Variants in WDFY3 observed in about 807,000 individuals in gnomAD.
WDFY3 encodes WD repeat and FYVE domain-containing protein 3.
A neutral mutation model predicts 409.6 loss-of-function variants in WDFY3; 66 were observed. The observed-to-expected ratio is 0.16, with a 90% CI of 0.13 to 0.20. The LOEUF (loss-of-function observed/expected upper bound fraction) is 0.20, where lower values mean the gene tolerates loss of function less well. WDFY3 is among the 10% of genes least tolerant of loss of function. The pLI, the probability that WDFY3 is intolerant of heterozygous loss-of-function variation, is 1.00. For missense variants in WDFY3, 3,031 were observed against 4,298.1 expected, an observed-to-expected ratio of 0.71 and a Z score of 8.24; for synonymous variants, 1,521 against 1,537.1, an observed-to-expected ratio of 0.99 and a Z score of 0.25.
At position 84,826,914 on chromosome 4, in the gene WDFY3, G is replaced by A. The variant is rs1234382843; in HGVS notation, c.1024C>T (p.Leu342=). The A allele has an allele frequency of 1.2e-6, 2 of 1,610,862 alleles. No homozygotes were observed. Among genetic ancestry groups the A allele is most frequent in the Non-Finnish European group, 1.7e-6 (2 of 1,179,172 alleles). Residue 342 remains leucine, a synonymous_variant, in exon 10 of 68, where the codon CTA becomes TTA. Coordinates refer to ENST00000295888, the MANE Select transcript of WDFY3 (RefSeq NM_014991.6). ...AGTTCACTGACACCATATGTTGTTA[G>A]GGAAGTTATCAGATTAACCAGATCT... The part of the protein sequence containing the change: ...LKDLVNLITS[L]TTYGVSELKP...
chr4:84,798,231 T>C, intron 17 of WDFY3, 123 bp from the exon 18 acceptor site: 1 of 779,788 alleles, frequency 1.3e-6, no homozygotes, highest in Non-Finnish European at 2.0e-6. Flanking sequence ...AAATGCAAAG[T>C]ATAATAAAAC....
At chr4:84,678,104 T>C (rs1726664565) in intron 66 of WDFY3, 64 bp downstream of exon 66, 2 of 1,195,704 alleles carry the variant, frequency 1.7e-6, no homozygotes, top group East Asian at 2.3e-5. Flanking sequence ...GGCTGGAGTA[T>C]GTGGCCCTTG....
intron 5 of WDFY3, among the ~76,000 whole-genome samples, chr4:84,844,807 G>GA (rs1159745820): frequency 6.6e-6 from 1 of 152,150 alleles, no homozygotes; most frequent in Non-Finnish European, 1.5e-5. Context: ...AGAGATGGGG[G>GA]AAAATCTTAA....
chr4:84,926,639 T>C (rs529848637), intron 2 of WDFY3, among the ~76,000 whole-genome samples: 19 of 152,334 alleles, frequency 1.2e-4, no homozygotes, highest in Non-Finnish European at 2.2e-4. Context: ...ATTTGCAACA[T>C]TATTTTCCTC....
intron 23 of WDFY3, among the ~76,000 whole-genome samples, chr4:84,787,125 A>T (rs2149521591): frequency 6.6e-6 from 1 of 152,302 alleles, no homozygotes; most frequent in African/African-American, 2.4e-5. Flanking sequence ...TATTGAACCT[A>T]TCTGTTCTTC....
intron 8 of WDFY3, among the ~76,000 whole-genome samples, 165 bp from the exon 9 acceptor site, chr4:84,829,355 AT>A (rs1215666218): frequency 6.6e-6 from 1 of 152,200 alleles, no homozygotes; most frequent in Non-Finnish European, 1.5e-5. Flanking sequence ...AGTCATATGC[AT>A]TGGGAAAGCA....
intron 5 of WDFY3, among the ~76,000 whole-genome samples, chr4:84,842,152 A>T (rs1757447647): frequency 6.6e-6 from 1 of 152,202 alleles, no homozygotes; most frequent in African/African-American, 2.4e-5. Context: ...TTTTACAGTA[A>T]CATATGATAG....
At chr4:84,756,163 T>C (rs1243518657) in intron 33 of WDFY3, among the ~76,000 whole-genome samples, 1 of 152,162 alleles carries the variant, frequency 6.6e-6, no homozygotes, top group Non-Finnish European at 1.5e-5. Flanking sequence ...GTGGATGCTA[T>C]CTATCATTAA....
intron 53 of WDFY3, among the ~76,000 whole-genome samples, chr4:84,708,372 T>G (rs1178445076): frequency 2.0e-5 from 3 of 152,146 alleles, no homozygotes; most frequent in East Asian, 3.8e-4. Flanking sequence ...TTAAAGAAAC[T>G]GAAGAGATAT....
intron 24 of WDFY3, among the ~76,000 whole-genome samples, chr4:84,783,363 G>A (rs1047651793): frequency 2.6e-5 from 4 of 152,160 alleles, no homozygotes; most frequent in East Asian, 1.9e-4. Context: ...GTCTTGTGGT[G>A]CATTACTCAG....
intron 9 of WDFY3, among the ~76,000 whole-genome samples, chr4:84,828,445 C>T (rs533609375): frequency 1.3e-5 from 2 of 152,100 alleles, no homozygotes; most frequent in Non-Finnish European, 2.9e-5. Context: ...AGAGTTTATA[C>T]TTTAAGAAGA....
intron 32 of WDFY3, among the ~76,000 whole-genome samples, chr4:84,763,550 T>A (rs1028142973): frequency 7.9e-5 from 12 of 151,342 alleles, no homozygotes; most frequent in East Asian, 1.9e-4. Context: ...AGTAAAATTT[T>A]AAAAAATCTA....
intron 54 of WDFY3, among the ~76,000 whole-genome samples, chr4:84,704,869 AG>A (rs946186073): frequency 6.6e-6 from 1 of 152,098 alleles, no homozygotes; most frequent in African/African-American, 2.4e-5. Flanking sequence ...CTTGGCAGAG[AG>A]GGGGTGGGAA....
chr4:84,955,884 A>T (rs1482369172), intron 1 of WDFY3, among the ~76,000 whole-genome samples: 1 of 152,230 alleles, frequency 6.6e-6, no homozygotes, highest in Non-Finnish European at 1.5e-5. Context: ...CTCCTGAGTT[A>T]TTCAACTTAT....
intron 7 of WDFY3, among the ~76,000 whole-genome samples, 178 bp from the exon 8 acceptor site, chr4:84,831,783 A>G (rs1040130021): frequency 2.0e-5 from 3 of 152,206 alleles, no homozygotes; most frequent in African/African-American, 7.2e-5. Flanking sequence ...TTAAAACCAC[A>G]ATAAAGTATC....
At chr4:84,681,037 A>T (rs1047538831) in intron 64 of WDFY3, among the ~76,000 whole-genome samples, 1 of 152,200 alleles carries the variant, frequency 6.6e-6, no homozygotes, top group Admixed American at 6.5e-5. Flanking sequence ...ACGGCTTATG[A>T]TCGTGAGCTC....
chr4:84,714,648 A>G (rs1350058855), intron 50 of WDFY3, among the ~76,000 whole-genome samples: 2 of 152,120 alleles, frequency 1.3e-5, no homozygotes, highest in African/African-American at 4.8e-5. Context: ...TTATTTTGAA[A>G]CTAAAGTTTT....
chr4:84,735,683 C>G (rs919396385), intron 42 of WDFY3, among the ~76,000 whole-genome samples: 17 of 152,184 alleles, frequency 1.1e-4, no homozygotes, highest in African/African-American at 4.1e-4. Flanking sequence ...CATGAGATGG[C>G]TGACACATAC....
intron 1 of WDFY3, among the ~76,000 whole-genome samples, chr4:84,939,730 A>G (rs1056636546): frequency 6.6e-6 from 1 of 152,112 alleles, no homozygotes; most frequent in Non-Finnish European, 1.5e-5. Context: ...ATTTAAAAAA[A>G]AAAAGTTTCT....
Sources: gnomAD v4.1 joint callset for allele counts (sites outside exome capture counted in the v4.1 genomes callset) on GRCh38, gnomAD v4.1.1 for gene constraint, MANE v1.5 for transcripts, NCBI Gene and HGNC (gene_info 2026-07-23, HGNC 2026-07-21) for gene names.